The following MINDY2 variants were observed in gnomAD, a reference collection of about 807,000 sequenced individuals.
The protein encoded by MINDY2 is MINDY lysine 48 deubiquitinase 2.
MINDY2 carries 52 observed loss-of-function variants against 68.2 expected under a neutral mutation model. That is an observed-to-expected ratio of 0.76 (90% CI 0.61 to 0.96). MINDY2 has a LOEUF of 0.96. Ranked by LOEUF, MINDY2 falls within the 40% of genes least tolerant of loss-of-function variation. The pLI is 0.00. For synonymous variants in MINDY2, 372 were observed against 303.0 expected (o/e 1.23, Z -2.36); for missense variants, 881 against 773.4 (o/e 1.14, Z -1.65).
At chr15:58,832,606 C>T (rs347114) in intron 6 of MINDY2, among the ~76,000 whole-genome samples, 1 of 151,426 alleles carries the variant, frequency 6.6e-6, no homozygotes, top group African/African-American at 2.4e-5. Flanking sequence ...TTCAGTTCAC[C>T]GCAACCTCCG....
At chr15:58,842,554 G>A (rs1210664477) in intron 6 of MINDY2, among the ~76,000 whole-genome samples, 3 of 152,084 alleles carry the variant, frequency 2.0e-5, no homozygotes, top group Admixed American at 6.6e-5. Context: ...AAATTAAAAG[G>A]GGAGGGGGCA....
intron 2 of MINDY2, among the ~76,000 whole-genome samples, chr15:58,791,049 G>A (rs1402585441): frequency 6.7e-6 from 1 of 150,202 alleles, no homozygotes; most frequent in South Asian, 2.1e-4. Context: ...GAGTGGTGGC[G>A]GGCACGTGTA....
chr15:58,778,683 G>A (rs1399856947), intron 1 of MINDY2, among the ~76,000 whole-genome samples: 1 of 151,726 alleles, frequency 6.6e-6, no homozygotes. Context: ...CTGGAGTGTG[G>A]TGGTGCAATC....
chr15:58,784,392 T>G (rs1323037810), intron 1 of MINDY2, among the ~76,000 whole-genome samples: 1 of 152,096 alleles, frequency 6.6e-6, no homozygotes, highest in Non-Finnish European at 1.5e-5. Context: ...GGGTAGGACA[T>G]TTTCCTAGAT....
At chr15:58,842,338 G>A (rs148341176) in intron 6 of MINDY2, among the ~76,000 whole-genome samples, 104 of 152,176 alleles carry the variant, frequency 6.8e-4, no homozygotes, top group African/African-American at 1.9e-3. Context: ...TATGTTTAGG[G>A]ATTAGAAGTG....
At chr15:58,826,225 C>CTTTTTTTTTTTTTTTTTT (rs34666834) in intron 5 of MINDY2, among the ~76,000 whole-genome samples, 1 of 98,184 alleles carries the variant, frequency 1.0e-5, no homozygotes, top group African/African-American at 4.1e-5. Context: ...TTCACACAAT[C>CTTTTTTTTTTTTTTTTTT]TTTTTTTTTT....
intron 1 of MINDY2, among the ~76,000 whole-genome samples, chr15:58,776,324 T>C (rs1900768549): frequency 2.6e-5 from 4 of 151,748 alleles, no homozygotes. Flanking sequence ...CCATTCCCTC[T>C]CCTCCCCTAC....
intron 2 of MINDY2, among the ~76,000 whole-genome samples, chr15:58,793,879 G>T (rs1902098026): frequency 6.6e-6 from 1 of 152,128 alleles, no homozygotes; most frequent in African/African-American, 2.4e-5. Flanking sequence ...AGAAATGGGA[G>T]ATTGAATGGA....
chr15:58,802,269 A>G (rs1187997421), intron 2 of MINDY2, 44 bp from the exon 3 acceptor site: 6 of 1,301,870 alleles, frequency 4.6e-6, no homozygotes, highest in Non-Finnish European at 6.5e-6. Context: ...CAGAAAAACA[A>G]GTTTTTAAAA....
rs368821954 is a variant in MINDY2, at chr15:58,771,544, G to C, written c.149G>C (p.Gly50Ala). ...GPGVWAAETS[G>A]GNGLGAAAAR... ...GGGGTATGGGCGGCGGAGACCAGCG[G>C]CGGGAATGGGCTGGGGGCGGCGGCC... Residue 50 changes from glycine to alanine, a missense_variant, in exon 1 of 9, where the codon GGC becomes GCC. Transcript: ENST00000559228. 14 of 1,611,350 alleles carry C rather than the reference G, an allele frequency of 8.7e-6. No homozygotes were observed. Among genetic ancestry groups the C allele is most frequent in the African/African-American group, 1.3e-5 (1 of 74,842 alleles).
At chr15:58,849,102 C>T (rs1209749178) in intron 7 of MINDY2, among the ~76,000 whole-genome samples, 2 of 151,786 alleles carry the variant, frequency 1.3e-5, no homozygotes, top group Admixed American at 6.6e-5. Context: ...CCCAACTACT[C>T]GGGAGGCTGA....
At chr15:58,840,512 C>T (rs1311191807) in intron 6 of MINDY2, among the ~76,000 whole-genome samples, 7 of 151,956 alleles carry the variant, frequency 4.6e-5, no homozygotes, top group Non-Finnish European at 1.0e-4. Flanking sequence ...ATAGGAATAG[C>T]CCTAATTTCT....
chr15:58,832,352 G>A (rs937185863), intron 6 of MINDY2, among the ~76,000 whole-genome samples: 3 of 150,466 alleles, frequency 2.0e-5, no homozygotes, highest in Non-Finnish European at 4.4e-5. Flanking sequence ...TCAGCTTCCC[G>A]AGTAGCTGGG....
At chr15:58,782,286 TATATACACTGC>T (rs1901196303) in intron 1 of MINDY2, among the ~76,000 whole-genome samples, 1 of 152,316 alleles carries the variant, frequency 6.6e-6, no homozygotes, top group Admixed American at 6.5e-5. Flanking sequence ...CACACATGTG[TATATACACTGC>T]ATATTTCAAA....
chr15:58,825,886 G>A (rs57410072), intron 5 of MINDY2, among the ~76,000 whole-genome samples: 5,178 of 152,076 alleles, frequency 0.034, 318 homozygotes, highest in African/African-American at 0.12. Context: ...GATTACAGGC[G>A]TGAGATGCCA....
At chr15:58,773,998 T>G (rs181890023) in intron 1 of MINDY2, among the ~76,000 whole-genome samples, 107 of 152,340 alleles carry the variant, frequency 7.0e-4, no homozygotes, top group African/African-American at 2.4e-3. Context: ...ATCTTTTTTG[T>G]AGGAAGGAAT....
At chr15:58,831,041 G>GTATATATATATATATATATATA (rs61211927) in intron 5 of MINDY2, among the ~76,000 whole-genome samples, 74 of 124,898 alleles carry the variant, frequency 5.9e-4, no homozygotes, top group Non-Finnish European at 7.8e-4. Flanking sequence ...GTGTGTGTGT[G>GTATATATATATATATATATATA]TATATATATA....
intron 6 of MINDY2, among the ~76,000 whole-genome samples, chr15:58,838,164 A>G (rs1187416019): frequency 2.0e-5 from 3 of 151,758 alleles, no homozygotes; most frequent in Non-Finnish European, 4.4e-5. Flanking sequence ...TTAGGAGGCC[A>G]AGGCAGGTGG....
chr15:58,801,380 T>TAAAAAAAAAAAAAAAA (rs1188514448), intron 2 of MINDY2, among the ~76,000 whole-genome samples: 1 of 22,590 alleles, frequency 4.4e-5, no homozygotes, highest in Non-Finnish European at 8.3e-5. Context: ...CCCCATCTCT[T>TAAAAAAAAAAAAAAAA]AAAAAAAAAA....
Sources: gnomAD v4.1 joint callset for allele counts (sites outside exome capture counted in the v4.1 genomes callset) on GRCh38, gnomAD v4.1.1 for gene constraint, MANE v1.5 for transcripts, NCBI Gene and HGNC (gene_info 2026-07-23, HGNC 2026-07-21) for gene names.